CAMK1G: variants seen among roughly 807,000 people sequenced by gnomAD.
CAMK1G encodes calcium/calmodulin-dependent protein kinase type 1G.
Under a neutral mutation model 54.8 loss-of-function variants are expected in CAMK1G, and 27 were observed. The observed-to-expected ratio is 0.49, with a 90% CI of 0.36 to 0.68. The LOEUF (loss-of-function observed/expected upper bound fraction) is 0.68. CAMK1G is among the 30% of genes least tolerant of loss of function. The pLI is 0.00. For missense variants in CAMK1G, 512 were observed against 591.0 expected (o/e 0.87, Z 1.39); for synonymous variants, 238 against 224.9 (o/e 1.06, Z -0.52).
intron 1 of CAMK1G, among the ~76,000 whole-genome samples, chr1:209,587,580 C>T (rs865913403): frequency 2.6e-5 from 4 of 152,148 alleles, no homozygotes; most frequent in South Asian, 2.1e-4. Context: ...TCACCCAGGA[C>T]TAAGATACTG....
intron 4 of CAMK1G, 112 bp from the exon 5 acceptor site, chr1:209,605,424 G>A: frequency 1.5e-6 from 2 of 1,299,568 alleles, no homozygotes; most frequent in Non-Finnish European, 2.1e-6. Context: ...ACAGTTCATG[G>A]GGGCCTGCCT....
chr1:209,608,943 T>G, intron 7 of CAMK1G, 37 bp from the exon 8 acceptor site: 1 of 1,612,334 alleles, frequency 6.2e-7, no homozygotes, highest in African/African-American at 1.3e-5. Context: ...GAGGACAGGT[T>G]TGTTCAGTAG....
chr1:209,595,036 A>G lies in CAMK1G; in HGVS notation c.53A>G (p.Asn18Ser), dbSNP rs1317258358. Residue 18 changes from asparagine (N) to serine (S), a missense_variant, in exon 2 of 13, where the codon AAC (asparagine) becomes AGC (serine). By Grantham distance (46) the Asn-to-Ser change is conservative. Transcript: ENST00000361322. ...DCSSWKKQTT[N>S]IRKTFIFMEV... Reference sequence around the variant, plus strand: ...AGTTCCTGGAAGAAACAGACCACCAACATCCGGAAAACCTTCATTTTTATG... The same window carrying G: ...AGTTCCTGGAAGAAACAGACCACCAGCATCCGGAAAACCTTCATTTTTATG... The G allele has an allele frequency of 6.2e-7, 1 of 1,613,988 alleles. No homozygotes were observed. The highest frequency in any genetic ancestry group is 1.3e-5 in the African/African-American group (1 of 74,926).
chr1:209,606,275 G>A lies in CAMK1G; in HGVS notation c.436-45G>A, dbSNP rs751801643. On this transcript the variant is annotated intron_variant, in intron 5 of 12. Coordinates refer to ENST00000361322, the MANE Select transcript of CAMK1G (RefSeq NM_020439.3). ...TGTATCAAGGGGAAGGAAAATACTTGCTTCAGGTGGTTATATCCTACACTA... is the reference window on the plus strand; with the variant it reads ...TGTATCAAGGGGAAGGAAAATACTTACTTCAGGTGGTTATATCCTACACTA... The A allele has an allele frequency of 7.8e-5, 125 of 1,598,598 alleles. No homozygotes were observed. In the South Asian group the frequency reaches 9.8e-4, roughly 12 times the overall value.
At chr1:209,608,187 C>T (rs1665698035) in intron 7 of CAMK1G, among the ~76,000 whole-genome samples, 2 of 152,224 alleles carry the variant, frequency 1.3e-5, no homozygotes, top group Admixed American at 1.3e-4. Flanking sequence ...GCACAGCCAC[C>T]TGGCACTCCC....
At chr1:209,596,843 C>T (rs1233422565) in intron 2 of CAMK1G, among the ~76,000 whole-genome samples, 1 of 152,156 alleles carries the variant, frequency 6.6e-6, no homozygotes, top group African/African-American at 2.4e-5. Context: ...AAGTGAACAA[C>T]AATTCCTTTT....
At chr1:209,606,289 T>C (rs1431719245) in intron 5 of CAMK1G, 31 bp from the exon 6 acceptor site, 1 of 1,609,326 alleles carries the variant, frequency 6.2e-7, no homozygotes, top group Non-Finnish European at 8.5e-7. Context: ...CAGGTGGTTA[T>C]ATCCTACACT....
chr1:209,585,415 C>T (rs1192246163), intron 1 of CAMK1G, among the ~76,000 whole-genome samples: 1 of 152,178 alleles, frequency 6.6e-6, no homozygotes, highest in African/African-American at 2.4e-5. Flanking sequence ...CCAGCAACTG[C>T]CACCAGGAAA....
At chr1:209,591,544 A>T (rs1571773190) in intron 1 of CAMK1G, among the ~76,000 whole-genome samples, 1 of 152,170 alleles carries the variant, frequency 6.6e-6, no homozygotes, top group East Asian at 1.9e-4. Flanking sequence ...GTAGCGTATA[A>T]ATCTCCCTTT....
intron 4 of CAMK1G, 127 bp from the exon 5 acceptor site, chr1:209,605,409 C>A: frequency 8.9e-7 from 1 of 1,122,760 alleles, no homozygotes; most frequent in African/African-American, 1.5e-5. Context: ...GGCAGCCCTT[C>A]AATCACAGTT....
At chr1:209,593,456 C>T (rs949576354) in intron 1 of CAMK1G, among the ~76,000 whole-genome samples, 9 of 152,140 alleles carry the variant, frequency 5.9e-5, no homozygotes, top group African/African-American at 2.2e-4. Context: ...GGTACCCTGC[C>T]ATTAGCTGTT....
At chr1:209,606,256 A>C in intron 5 of CAMK1G, 64 bp from the exon 6 acceptor site, 2 of 1,582,598 alleles carry the variant, frequency 1.3e-6, no homozygotes, top group Admixed American at 1.7e-5. Context: ...ATTTTGTATC[A>C]AGGGGAAGGA....
At chr1:209,591,468 A>G (rs1241165359) in intron 1 of CAMK1G, among the ~76,000 whole-genome samples, 3 of 152,328 alleles carry the variant, frequency 2.0e-5, no homozygotes, top group Middle Eastern at 3.4e-3. Context: ...AATCTTTCTC[A>G]TGAACTCCCA....
chr1:209,590,981 C>T (rs889901612), intron 1 of CAMK1G, among the ~76,000 whole-genome samples: 5 of 151,546 alleles, frequency 3.3e-5, no homozygotes, highest in East Asian at 1.9e-4. Context: ...GCCTGTAAAG[C>T]GAGTGAAAGT....
At chr1:209,605,474 C>G in intron 4 of CAMK1G, 62 bp from the exon 5 acceptor site, 1 of 1,575,806 alleles carries the variant, frequency 6.3e-7, no homozygotes, top group South Asian at 1.2e-5. Context: ...TCAAAGCAAA[C>G]ACCTTCTCAT....
chr1:209,595,104 GGCTGGGCT>G, intron 2 of CAMK1G, 29 bp downstream of exon 2: 1 of 1,558,342 alleles, frequency 6.4e-7, no homozygotes, highest in Non-Finnish European at 8.8e-7. Context: ...AGGTCGGGTG[GGCTGGGCT>G]GCCTGCAGTG....
chr1:209,605,470 C>A, intron 4 of CAMK1G, 66 bp from the exon 5 acceptor site: 1 of 1,569,090 alleles, frequency 6.4e-7, no homozygotes, highest in Non-Finnish European at 8.7e-7. Context: ...GGCTTCAAAG[C>A]AAACACCTTC....
chr1:209,588,048 G>A (rs996092796), intron 1 of CAMK1G, among the ~76,000 whole-genome samples: 8 of 152,186 alleles, frequency 5.3e-5, no homozygotes, highest in African/African-American at 1.9e-4. Flanking sequence ...TCTAAGGTCA[G>A]TAAAAGAGCC....
intron 1 of CAMK1G, among the ~76,000 whole-genome samples, chr1:209,593,755 C>CTAG (rs1665313629): frequency 6.6e-6 from 1 of 151,878 alleles, no homozygotes; most frequent in South Asian, 2.1e-4. Context: ...TCTCTCTCTT[C>CTAG]ACATCTCTCT....
Sources: gnomAD v4.1 joint callset for allele counts (sites outside exome capture counted in the v4.1 genomes callset) on GRCh38, gnomAD v4.1.1 for gene constraint, MANE v1.5 for transcripts, NCBI Gene and HGNC (gene_info 2026-07-23, HGNC 2026-07-21) for gene names.